Variants in LYPD1 observed in about 807,000 individuals in gnomAD.
LYPD1 encodes the protein ly6/PLAUR domain-containing protein 1.
LYPD1 carries 14 observed loss-of-function variants against 14.2 expected under a neutral mutation model. That is an observed-to-expected ratio of 0.99 (90% CI 0.65 to 1.54). The LOEUF (loss-of-function observed/expected upper bound fraction) is 1.54. Ranked by LOEUF, LYPD1 falls within the 40% of genes most tolerant of loss-of-function variation. The pLI, the probability that LYPD1 is intolerant of heterozygous loss-of-function variation, is 0.00. For synonymous variants in LYPD1, 85 were observed against 70.6 expected, an observed-to-expected ratio of 1.20 and a Z score of -1.02; for missense variants, 165 against 175.7, an observed-to-expected ratio of 0.94 and a Z score of 0.34.
rs1375992380 is a variant in LYPD1 at position 132,645,532 on chromosome 2, T to G, written c.*513A>C. The stretch of plus-strand genomic sequence containing the variant: ...TAAGTCCCAGTCATTGAGTCTCGAG[T>G]CACTAGAGCCCAACTCAGGCGCGAA... On this transcript the variant is annotated 3_prime_UTR_variant, in exon 3 of 3. Transcript: ENST00000397463. 1 of 1,613,962 alleles carries G rather than the reference T, an allele frequency of 6.2e-7. No homozygotes were observed.
Position 132,645,825 on chromosome 2 carries a change from CTCCT to C in LYPD1, c.*216_*219del. On this transcript the variant is annotated 3_prime_UTR_variant, in exon 3 of 3. Transcript: ENST00000397463. ...ACATGGGGGTGAACTTTCACTCCAC[CTCCT>C]TCCTTCAAGTACATACTGAAAATTC... 1.5e-6 allele frequency: 1 copy of C among 685,504 alleles called. No homozygotes were observed. The highest frequency in any genetic ancestry group is 2.0e-5 in the South Asian group (1 of 48,858). 42.5% of individuals were successfully genotyped at this position (685,504 alleles called of 1,614,324 possible). A position where few individuals can be genotyped will look rare whatever the true frequency, so the allele number is the denominator to read the frequency against.
intron 2 of LYPD1, among the ~76,000 whole-genome samples, chr2:132,667,592 A>T (rs1041046259): frequency 3.3e-5 from 5 of 152,166 alleles, no homozygotes; most frequent in African/African-American, 1.2e-4. Flanking sequence ...TAATATCCTT[A>T]AAATGGCAAG....
rs1374852139 is a variant in LYPD1 at position 132,669,888 on chromosome 2, C to G, written c.45G>C (p.Leu15Phe). 6.2e-7 allele frequency: 1 copy of G among 1,612,822 alleles called. No homozygotes were observed. The highest frequency in any genetic ancestry group is 1.3e-5 in the African/African-American group (1 of 74,780). The change falls in exon 1 of 3, where the codon TTG becomes TTC. Residue 15 changes from leucine to phenylalanine, a missense_variant. Transcript: ENST00000397463. This position sits in a 1 kb window ranked among gnomAD's most constrained non-coding sequence, Gnocchi z 4.3. ...GIAATFCGLF[L>F]LPGFALQIQC... The stretch of plus-strand genomic sequence containing the variant: ...GCCTCTGGGTATTCTCACCTGGAAG[C>G]AAGAACAATCCGCAAAAAGTTGCCG...
chr2:132,668,573 C>T, intron 1 of LYPD1, 36 bp from the exon 2 acceptor site: 1 of 1,602,248 alleles, frequency 6.2e-7, no homozygotes, highest in Non-Finnish European at 8.5e-7. Flanking sequence ...AGATCCGGCC[C>T]CCACAGAGCC....
intron 2 of LYPD1, among the ~76,000 whole-genome samples, chr2:132,656,400 T>C (rs190991572): frequency 2.0e-5 from 3 of 152,332 alleles, no homozygotes; most frequent in East Asian, 3.9e-4. Flanking sequence ...AAATATTCTA[T>C]GCAGGACTAG....
upstream of LYPD1, chr2:132,670,261 A>G: frequency 2.3e-6 from 1 of 438,550 alleles, no homozygotes; most frequent in South Asian, 3.1e-5. The surrounding 1 kb of genome is among the most constrained non-coding windows in gnomAD (Gnocchi z 4.5). Context: ...CCCACCTCCC[A>G]CTCCAGGCAT....
In LYPD1 at chr2:132,646,105, C is replaced by T; in HGVS notation, c.366G>A (p.Arg122=). ...KKRGSSASAL[R]PGLRTTILFL... ...ACAGGATGGTGGTGCGGAGCCCTGGCCTGAGGGCCGAGGCAGAACTTCCCC... is the reference window on the plus strand; with the variant it reads ...ACAGGATGGTGGTGCGGAGCCCTGGTCTGAGGGCCGAGGCAGAACTTCCCC... Residue 122 remains arginine (R), a synonymous_variant, in exon 3 of 3, where the codon AGG becomes AGA. Transcript: ENST00000397463. The T allele has an allele frequency of 1.2e-6, 2 of 1,607,994 alleles. No homozygotes were observed. Among genetic ancestry groups the T allele is most frequent in the South Asian group, 1.1e-5 (1 of 90,050 alleles).
intron 2 of LYPD1, chr2:132,666,927 C>T (rs1293258045): frequency 6.6e-6 from 1 of 152,150 alleles, no homozygotes; most frequent in African/African-American, 2.4e-5. Flanking sequence ...TTTTGTCTGG[C>T]TCTAAACTAC....
Position 132,644,368 on chromosome 2 carries a change from A to G in LYPD1, c.*1677T>C, listed in dbSNP as rs994051672. On this transcript the variant is annotated 3_prime_UTR_variant, in exon 3 of 3. Transcript: ENST00000397463. ...GTGCTGCAAAGGAAGGGAACATGTT[A>G]CTGGCTGAACTAGAAGGAAGTTTTA... Among the ~76,000 whole-genome samples, 1 of 152,254 alleles carries G rather than the reference A, an allele frequency of 6.6e-6. No homozygotes were observed. Among genetic ancestry groups the G allele is most frequent in the Non-Finnish European group, 1.5e-5 (1 of 68,052 alleles).
At position 132,645,499 on chromosome 2, in the gene LYPD1, CCCCAGTCTAAGT is replaced by C. The variant is rs756839549; in HGVS notation, c.*534_*545del. 16 of 1,613,586 alleles carry C rather than the reference CCCCAGTCTAAGT, an allele frequency of 9.9e-6. No homozygotes were observed. The highest frequency in any genetic ancestry group is 2.2e-5 in the East Asian group (1 of 44,882). On this transcript the variant is annotated 3_prime_UTR_variant, in exon 3 of 3. Transcript: ENST00000397463. ...AAGCACTTTTCAGAGCGAGGCCGAG[CCCCAGTCTAAGT>C]CCCAGTCATTGAGTCTCGAGTCACT...
In LYPD1 at chr2:132,669,292, C is replaced by G. The variant is rs1683487406; in HGVS notation, c.52+589G>C. 6.6e-6 allele frequency among the ~76,000 whole-genome samples: 1 copy of G among 152,096 alleles called. No individual in the cohort carries two copies. Among genetic ancestry groups the G allele is most frequent in the Non-Finnish European group, 1.5e-5 (1 of 68,026 alleles). ...GTCAGTGGTCGGGGTTCCAGCTCTG[C>G]AGAGCTTAGTCGGGAGCCAGTAGGC... is the stretch of plus-strand genomic sequence containing the variant. On this transcript the variant is annotated intron_variant, in intron 1 of 2. Coordinates refer to ENST00000397463, the MANE Select transcript of LYPD1 (RefSeq NM_144586.7). This position sits in a 1 kb window ranked among gnomAD's most constrained non-coding sequence, Gnocchi z 4.3.
chr2:132,645,728 A>C lies in LYPD1; in HGVS notation c.*317T>G. The C allele has an allele frequency of 7.4e-7, 1 of 1,342,298 alleles. No individual in the cohort carries two copies. Among genetic ancestry groups the C allele is most frequent in the Admixed American group, 2.5e-5 (1 of 39,544 alleles). The allele number at this position is 1,342,298 out of a possible 1,614,324, so 83.1% of individuals were successfully genotyped here. ...TGGAATGGACACTGGAGGCTTTACAAAAGGCAGATGCCCACCTCAGTGACT... is the reference window on the plus strand; with the variant it reads ...TGGAATGGACACTGGAGGCTTTACACAAGGCAGATGCCCACCTCAGTGACT... On this transcript the variant is annotated 3_prime_UTR_variant, in exon 3 of 3. Transcript: ENST00000397463.
chr2:132,650,376 T>C (rs1281113011), intron 2 of LYPD1, among the ~76,000 whole-genome samples: 1 of 152,158 alleles, frequency 6.6e-6, no homozygotes, highest in Admixed American at 6.5e-5. Context: ...AGTAAATAGG[T>C]ATAATTTCCA....
At chr2:132,655,514 A>ATT (rs1180944589) in intron 2 of LYPD1, among the ~76,000 whole-genome samples, 12 of 99,454 alleles carry the variant, frequency 1.2e-4, no homozygotes, top group South Asian at 3.1e-4. Flanking sequence ...GTTGAGAAGC[A>ATT]TTTTTTTTTT....
Position 132,668,463 on chromosome 2 carries a change from T to C in LYPD1, c.127A>G (p.Ile43Val). ...LNNDCSSPEF[I>V]VNCTVNVQDM... is the part of the protein sequence containing the mutation. ...TGAACGTTCACCGTGCAATTCACAA[T>C]GAACTCGGGGGAGGAGCAGTCGTTG... is the stretch of plus-strand genomic sequence containing the variant. Residue 43 changes from isoleucine (I) to valine (V), a missense_variant, in exon 2 of 3, where the codon ATT becomes GTT. Coordinates refer to ENST00000397463, the MANE Select transcript of LYPD1 (RefSeq NM_144586.7). The C allele has an allele frequency of 6.2e-7, 1 of 1,611,508 alleles. No individual in the cohort carries two copies. The highest frequency in any genetic ancestry group is 8.5e-7 in the Non-Finnish European group (1 of 1,178,886).
Position 132,645,988 on chromosome 2 carries a change from G to T in LYPD1, c.*57C>A. 7.5e-7 allele frequency: 1 copy of T among 1,331,682 alleles called. No homozygotes were observed. Among genetic ancestry groups the T allele is most frequent in the Non-Finnish European group, 1.0e-6 (1 of 978,762 alleles). 82.5% of individuals were successfully genotyped at this position (1,331,682 alleles called of 1,614,324 possible). Reference sequence around the variant, plus strand: ...GAAGAAACTCACTCAGGGAGGTGGGGGGTTGGGGGCGAGGGCTGGAAGAAC... The same window carrying T: ...GAAGAAACTCACTCAGGGAGGTGGGTGGTTGGGGGCGAGGGCTGGAAGAAC... On this transcript the variant is annotated 3_prime_UTR_variant, in exon 3 of 3. Coordinates refer to ENST00000397463, the MANE Select transcript of LYPD1 (RefSeq NM_144586.7).
chr2:132,670,425 T>G (rs1683630049), upstream of LYPD1, among the ~76,000 whole-genome samples: 1 of 152,034 alleles, frequency 6.6e-6, no homozygotes, highest in African/African-American at 2.4e-5. The surrounding 1 kb of genome is among the most constrained non-coding windows in gnomAD (Gnocchi z 4.5). Context: ...CTGGTAGTTT[T>G]CTGAGATGGG....
upstream of LYPD1, chr2:132,671,376 T>G (rs62178528): frequency 1.1e-3 from 166 of 152,394 alleles, no homozygotes; most frequent in Non-Finnish European, 2.2e-3. Context: ...TTAGCTCCTC[T>G]TCACCCTTTT....
intron 2 of LYPD1, among the ~76,000 whole-genome samples, chr2:132,660,837 G>A (rs1349407070): frequency 6.6e-5 from 10 of 151,924 alleles, no homozygotes; most frequent in Admixed American, 6.6e-4. Context: ...ATTTGGTTTG[G>A]GGGACAAAAG....
Sources: gnomAD v4.1 joint callset for allele counts (sites outside exome capture counted in the v4.1 genomes callset) on GRCh38, gnomAD v4.1.1 for gene constraint, Gnocchi (gnomAD v3.1) non-coding constraint, MANE v1.5 for transcripts, NCBI Gene and HGNC (gene_info 2026-07-23, HGNC 2026-07-21) for gene names.